The following TLX1 variants were observed in gnomAD, a reference collection of about 807,000 sequenced individuals.
TLX1 encodes the protein T-cell leukemia homeobox protein 1.
Under a neutral mutation model 26.5 loss-of-function variants are expected in TLX1, and 6 were observed. The ratio of observed to expected loss-of-function variants is 0.23; its 90% CI spans 0.12 to 0.45. The LOEUF is 0.45. Among genes scored for constraint, TLX1 ranks in the 20% least tolerant of loss-of-function variants. The pLI, the probability that TLX1 is intolerant of heterozygous loss-of-function variation, is 0.99. For synonymous variants in TLX1, 217 were observed against 219.7 expected (o/e 0.99, Z 0.11); for missense variants, 418 against 482.6 (o/e 0.87, Z 1.25).
In TLX1 at chr10:101,131,863, G is replaced by T; in HGVS notation, c.322G>T (p.Ala108Ser). 7.1e-7 allele frequency: 1 copy of T among 1,407,840 alleles called. No homozygotes were observed. Among genetic ancestry groups the T allele is most frequent in the Non-Finnish European group, 9.2e-7 (1 of 1,088,014 alleles). The allele number at this position is 1,407,840 out of a possible 1,614,324, so 87.2% of individuals were successfully genotyped here. ...CTCCTACAACGTGAACATGGCCTTG[G>T]CAGGCGGCCCCGGTCCTGGCGGCGG... ...TGSYNVNMAL[A>S]GGPGPGGGGG... The change falls in exon 1 of 3, where the codon GCA (alanine) becomes TCA (serine). Residue 108 changes from alanine (A) to serine (S), a missense_variant. Physicochemically the swap from Ala to Ser is moderately conservative, Grantham distance 99. Transcript: ENST00000370196.
intron 1 of TLX1, chr10:101,133,186 TACATA>T (rs1309677591): frequency 6.6e-6 from 1 of 152,364 alleles, no homozygotes; most frequent in Non-Finnish European, 1.5e-5. Context: ...AAGGGGGGTT[TACATA>T]ACTACTTGGG....
rs148475999 is a variant in TLX1 at position 101,132,626 on chromosome 10, C to CTGA, written c.568+518_568+520dup. Among the ~76,000 whole-genome samples, 24,406 of 151,634 alleles carry CTGA rather than the reference C, an allele frequency of 0.16. 2,109 individuals are homozygous for CTGA. Among genetic ancestry groups the CTGA allele is most frequent in the East Asian group, 0.3 (1,538 of 5,096 alleles). ...TGGTGCTGCGGGGCCAGTGGGGGCT[C>CTGA]TGAGCCCCGGTAAATCAGCAGAACC... On this transcript the variant is annotated intron_variant, in intron 1 of 2. Transcript: ENST00000370196. The surrounding 1 kb of genome is among the most constrained non-coding windows in gnomAD (Gnocchi z 4.1).
In TLX1 at chr10:101,132,158, G is replaced by A. The variant is rs573344731; in HGVS notation, c.568+49G>A. 1.8e-4 allele frequency: 230 copies of A among 1,307,666 alleles called. 3 individuals are homozygous for A. The South Asian group carries it at 5.4e-3, about 31-fold the overall frequency. 81.0% of individuals were successfully genotyped at this position (1,307,666 alleles called of 1,614,324 possible). A position where few individuals can be genotyped will look rare whatever the true frequency, so the allele number is the denominator to read the frequency against. Reference sequence around the variant, plus strand: ...CGCCTGGCCGCGGCCCGGGCTCCGTGCTACCCCTGCCCCGCCGGGTGGCTC... The same window carrying A: ...CGCCTGGCCGCGGCCCGGGCTCCGTACTACCCCTGCCCCGCCGGGTGGCTC... On this transcript the variant is annotated intron_variant, in intron 1 of 2. Coordinates refer to ENST00000370196, the MANE Select transcript of TLX1 (RefSeq NM_005521.4). The surrounding 1 kb of genome is among the most constrained non-coding windows in gnomAD (Gnocchi z 4.1).
At chr10:101,136,587 G>A in intron 2 of TLX1, 104 bp from the exon 3 acceptor site, 2 of 1,597,910 alleles carry the variant, frequency 1.3e-6, no homozygotes, top group Non-Finnish European at 1.7e-6. Context: ...CTGCAAAGGC[G>A]AGCAGCGCTC....
Position 101,132,348 on chromosome 10 carries a change from C to T in TLX1, c.568+239C>T, listed in dbSNP as rs1012610026. On this transcript the variant is annotated intron_variant, in intron 1 of 2. Transcript: ENST00000370196. This position sits in a 1 kb window ranked among gnomAD's most constrained non-coding sequence, Gnocchi z 4.1. Reference sequence around the variant, plus strand: ...GGACCCCTGCTCGGAGGAGCTCTCCCTGGTCCCCTCTCCGGATCCACTAGC... The same window carrying T: ...GGACCCCTGCTCGGAGGAGCTCTCCTTGGTCCCCTCTCCGGATCCACTAGC... 4.6e-5 allele frequency among the ~76,000 whole-genome samples: 7 copies of T among 152,266 alleles called. No homozygotes were observed. Among genetic ancestry groups the T allele is most frequent in the Non-Finnish European group, 4.4e-5 (3 of 68,048 alleles).
In TLX1 at chr10:101,136,976, A is replaced by G; in HGVS notation, c.*63A>G. 1.9e-6 allele frequency: 3 copies of G among 1,584,856 alleles called. No individual in the cohort carries two copies. The highest frequency in any genetic ancestry group is 3.4e-5 in the Admixed American group (2 of 58,310). On this transcript the variant is annotated 3_prime_UTR_variant, in exon 3 of 3. Coordinates refer to ENST00000370196, the MANE Select transcript of TLX1 (RefSeq NM_005521.4). ...CAGGGGTCACTGAGGCCTGAGACCC[A>G]GGACTCCTCCCCACCCTCCTGGCCT... is the stretch of plus-strand genomic sequence containing the variant.
At position 101,137,615 on chromosome 10, in the gene TLX1, A is replaced by G; in HGVS notation, c.*702A>G. 4.3e-6 allele frequency: 1 copy of G among 234,300 alleles called. No individual in the cohort carries two copies. The highest frequency in any genetic ancestry group is 8.4e-6 in the Non-Finnish European group (1 of 118,590). The allele number at this position is 234,300 out of a possible 1,614,324, so 14.5% of individuals were successfully genotyped here. On this transcript the variant is annotated 3_prime_UTR_variant, in exon 3 of 3. Transcript: ENST00000370196. ...AGGCCCCCACCACACATCCCAGCCC[A>G]ATCCAGGTACGCACAGACAGGTTTT...
chr10:101,131,504 C>T lies in TLX1; in HGVS notation c.-38C>T. ...TGCCCCCCGAGCCGAGCGCAGCGAG[C>T]GCCGCCGCCCGGGCCCCCCGGTGGG... On this transcript the variant is annotated 5_prime_UTR_variant, in exon 1 of 3. Transcript: ENST00000370196. 1 of 1,398,524 alleles carries T rather than the reference C, an allele frequency of 7.2e-7. No individual in the cohort carries two copies. Among genetic ancestry groups the T allele is most frequent in the East Asian group, 2.8e-5 (1 of 35,126 alleles). 86.6% of individuals were successfully genotyped at this position (1,398,524 alleles called of 1,614,324 possible).
At position 101,131,740 on chromosome 10, in the gene TLX1, G is replaced by A. The variant is rs999899225; in HGVS notation, c.199G>A (p.Gly67Arg). The A allele has an allele frequency of 4.9e-6, 7 of 1,431,890 alleles. No individual in the cohort carries two copies. The highest frequency in any genetic ancestry group is 2.7e-6 in the Non-Finnish European group (3 of 1,098,814). 88.7% of individuals were successfully genotyped at this position (1,431,890 alleles called of 1,614,324 possible). ...YGGGGSAAAT[G>R]AGGAGAYGTG... ...CGGCGGGGGCTCCGCGGCCGCGACGGGGGCTGGAGGAGCGGGGGCCTATGG... is the reference window on the plus strand; with the variant it reads ...CGGCGGGGGCTCCGCGGCCGCGACGAGGGCTGGAGGAGCGGGGGCCTATGG... The change falls in exon 1 of 3, where the codon GGG (glycine) becomes AGG (arginine). Residue 67 changes from glycine to arginine, a missense_variant. By Grantham distance (125) the Gly-to-Arg change is moderately radical (BLOSUM62 -2). Around this residue, in one of 3 missense-constraint regions of TLX1, gnomAD observed 322 missense variants for 344.6 expected, o/e 0.93. Transcript: ENST00000370196.
At position 101,131,893 on chromosome 10, in the gene TLX1, G is replaced by A. The variant is rs1407301429; in HGVS notation, c.352G>A (p.Gly118Ser). Residue 118 changes from glycine (G) to serine (S), a missense_variant, in exon 1 of 3, where the codon GGC becomes AGC. Physicochemically the swap from Gly to Ser is moderately conservative, Grantham distance 56. Coordinates refer to ENST00000370196, the MANE Select transcript of TLX1 (RefSeq NM_005521.4). Reference sequence around the variant, plus strand: ...CGGCCCCGGTCCTGGCGGCGGCGGCGGCAGCAGCGGCGGTGCCGGGGCACT... The same window carrying A: ...CGGCCCCGGTCCTGGCGGCGGCGGCAGCAGCAGCGGCGGTGCCGGGGCACT... Reference protein sequence around the residue: ...AGGPGPGGGGGSSGGAGALSA... With the variant: ...AGGPGPGGGGSSSGGAGALSA... 15 of 1,392,556 alleles carry A rather than the reference G, an allele frequency of 1.1e-5. No individual in the cohort carries two copies. Among genetic ancestry groups the A allele is most frequent in the Non-Finnish European group, 1.4e-5 (15 of 1,081,620 alleles). The allele number at this position is 1,392,556 out of a possible 1,614,324, so 86.3% of individuals were successfully genotyped here.
At chr10:101,133,879 G>A (rs1244583760) in intron 1 of TLX1, among the ~76,000 whole-genome samples, 1 of 152,200 alleles carries the variant, frequency 6.6e-6, no homozygotes, top group African/African-American at 2.4e-5. Context: ...CCCTGGAGGA[G>A]AGGCGGCAGG....
chr10:101,134,108 G>C, intron 1 of TLX1, 67 bp from the exon 2 acceptor site: 1 of 1,453,932 alleles, frequency 6.9e-7, no homozygotes, highest in Non-Finnish European at 9.3e-7. Flanking sequence ...TCTGCTGCTT[G>C]CCTCTGCCGT....
In TLX1 at chr10:101,137,102, C is replaced by A; in HGVS notation, c.*189C>A. The A allele has an allele frequency of 1.4e-6, 1 of 695,970 alleles. No individual in the cohort carries two copies. Among genetic ancestry groups the A allele is most frequent in the Non-Finnish European group, 2.4e-6 (1 of 425,408 alleles). The allele number at this position is 695,970 out of a possible 1,614,324, so 43.1% of individuals were successfully genotyped here. A position where few individuals can be genotyped will look rare whatever the true frequency, so the allele number is the denominator to read the frequency against. On this transcript the variant is annotated 3_prime_UTR_variant, in exon 3 of 3. Transcript: ENST00000370196. Reference sequence around the variant, plus strand: ...CCCTTCGGTGGAAGAGCTCAAGGGACAAGGACACGCGCCCCCCTCCCAGAG... The same window carrying A: ...CCCTTCGGTGGAAGAGCTCAAGGGAAAAGGACACGCGCCCCCCTCCCAGAG...
In TLX1 at chr10:101,134,178, A is replaced by G; in HGVS notation, c.572A>G (p.His191Arg). 6.2e-7 allele frequency: 1 copy of G among 1,601,054 alleles called. No individual in the cohort carries two copies. The highest frequency in any genetic ancestry group is 8.5e-7 in the Non-Finnish European group (1 of 1,174,662). ...TTCACTGTAACACGCCGTATAGGTC[A>G]CCCCTATCAGAACCGGACGCCCCCC... ...RRYTKDRFTG[H>R]PYQNRTPPKK... is the part of the protein sequence containing the mutation. The change falls in exon 2 of 3, where the codon CAC becomes CGC. Residue 191 changes from histidine to arginine, a missense_variant. By Grantham distance (29) the His-to-Arg change is conservative. Around this residue, in one of 3 missense-constraint regions of TLX1, gnomAD observed 322 missense variants for 344.6 expected, o/e 0.93. Coordinates refer to ENST00000370196, the MANE Select transcript of TLX1 (RefSeq NM_005521.4).
chr10:101,134,931 G>A (rs969286478), intron 2 of TLX1, among the ~76,000 whole-genome samples: 12 of 152,370 alleles, frequency 7.9e-5, no homozygotes, highest in Non-Finnish European at 1.6e-4. Flanking sequence ...ATCAATCCGC[G>A]CCGGCTGCGG....
rs1940212532 is a variant in TLX1 at position 101,132,955 on chromosome 10, A to ACT, written c.568+850_568+851dup. 1 of 151,612 alleles carries ACT rather than the reference A, an allele frequency of 6.6e-6. No homozygotes were observed. The highest frequency in any genetic ancestry group is 6.6e-5 in the Admixed American group (1 of 15,196). The allele number at this position is 151,612 out of a possible 1,614,324, so 9.4% of individuals were successfully genotyped here. On this transcript the variant is annotated intron_variant, in intron 1 of 2. Coordinates refer to ENST00000370196, the MANE Select transcript of TLX1 (RefSeq NM_005521.4). This position sits in a 1 kb window ranked among gnomAD's most constrained non-coding sequence, Gnocchi z 4.1. ...CTCCCGTTTCCACTCTGGGCACTCA[A>ACT]CTCTCCCTCTGGCGTGGATCCCTTC...
At position 101,133,930 on chromosome 10, in the gene TLX1, T is replaced by G. The variant is rs1003425742; in HGVS notation, c.569-245T>G. On this transcript the variant is annotated intron_variant, in intron 1 of 2. Coordinates refer to ENST00000370196, the MANE Select transcript of TLX1 (RefSeq NM_005521.4). ...GCGGGAGCCCGGGGCCAGGGAGGCC[T>G]CCGTGGTAGCGGCGACGGCGGCGTC... is the stretch of plus-strand genomic sequence containing the variant. Among the ~76,000 whole-genome samples the G allele has an allele frequency of 4.6e-5, 7 of 152,140 alleles. No individual in the cohort carries two copies. The Middle Eastern group carries it at 0.01, about 222-fold the overall frequency.
Position 101,137,102 on chromosome 10 carries a change from C to G in TLX1, c.*189C>G, listed in dbSNP as rs557367306. 4.6e-5 allele frequency: 32 copies of G among 695,970 alleles called. No homozygotes were observed. The African/African-American group carries it at 5.2e-4, about 11-fold the overall frequency. 43.1% of individuals were successfully genotyped at this position (695,970 alleles called of 1,614,324 possible). On this transcript the variant is annotated 3_prime_UTR_variant, in exon 3 of 3. Transcript: ENST00000370196. ...CCCTTCGGTGGAAGAGCTCAAGGGA[C>G]AAGGACACGCGCCCCCCTCCCAGAG...
rs545351856 is a variant in TLX1 at position 101,132,479 on chromosome 10, G to A, written c.568+370G>A. Among the ~76,000 whole-genome samples the A allele has an allele frequency of 5.9e-5, 9 of 152,280 alleles. No homozygotes were observed. The South Asian group carries it at 1.9e-3, about 32-fold the overall frequency. On this transcript the variant is annotated intron_variant, in intron 1 of 2. Transcript: ENST00000370196. The surrounding 1 kb of genome is among the most constrained non-coding windows in gnomAD (Gnocchi z 4.1). ...GGGTGCAACGTGAACAGTTTCTTCCGTCCTGGCTGCTGTTCTAGGACCCAG... is the reference window on the plus strand; with the variant it reads ...GGGTGCAACGTGAACAGTTTCTTCCATCCTGGCTGCTGTTCTAGGACCCAG...
Sources: allele counts gnomAD v4.1 joint callset (sites outside exome capture counted in the v4.1 genomes callset), GRCh38; gene constraint gnomAD v4.1.1; regional missense constraint gnomAD v4.1.1; non-coding constraint Gnocchi (gnomAD v3.1); transcripts MANE v1.5; gene names NCBI Gene and HGNC (gene_info 2026-07-23, HGNC 2026-07-21).